INTS3: variants seen among roughly 807,000 people sequenced by gnomAD.
INTS3 encodes integrator complex subunit 3.
A neutral mutation model predicts 146.3 loss-of-function variants in INTS3; 34 were observed. That is an observed-to-expected ratio of 0.23 (90% CI 0.18 to 0.31). The LOEUF is 0.31. INTS3 is among the 10% of genes least tolerant of loss of function. The pLI is 1.00. For synonymous variants in INTS3, 475 were observed against 494.9 expected (o/e 0.96, Z 0.53); for missense variants, 757 against 1,304.2 (o/e 0.58, Z 6.46).
intron 1 of INTS3, among the ~76,000 whole-genome samples, chr1:153,739,151 C>T (rs966238520): frequency 2.6e-5 from 4 of 152,126 alleles, no homozygotes; most frequent in African/African-American, 7.2e-5. Context: ...GCAACTGCCA[C>T]CTGCCGGGTT....
At position 153,757,549 on chromosome 1, in the gene INTS3, T is replaced by C; in HGVS notation, c.958-23T>C. The C allele has an allele frequency of 6.2e-7, 1 of 1,609,964 alleles. No individual in the cohort carries two copies. Among genetic ancestry groups the C allele is most frequent in the Non-Finnish European group, 8.5e-7 (1 of 1,176,572 alleles). Reference sequence around the variant, plus strand: ...ACCCCACACTGTCTTCTAAGGTCTTTTTCTTGCTTCCCCTTTCCCCAGGTG... The same window carrying C: ...ACCCCACACTGTCTTCTAAGGTCTTCTTCTTGCTTCCCCTTTCCCCAGGTG... On this transcript the variant is annotated intron_variant, in intron 9 of 29. Transcript: ENST00000318967. The surrounding 1 kb of genome is among the most constrained non-coding windows in gnomAD (Gnocchi z 4.0).
intron 11 of INTS3, 52 bp downstream of exon 11, chr1:153,759,665 C>G (rs772425813): frequency 8.6e-7 from 1 of 1,163,724 alleles, no homozygotes; most frequent in South Asian, 1.2e-5. Flanking sequence ...TAAGCCCCCA[C>G]TGCCTTCCTT....
chr1:153,763,244 G>A lies in INTS3; in HGVS notation c.1648G>A (p.Glu550Lys). ...ATCACTCCCTTTAGGAAAGAAGAGG[G>A]AGTTTCGCTTCCACCCTATCAAGGA... is the stretch of plus-strand genomic sequence containing the variant. ...EDLNSKGKKR[E>K]FRFHPIKETV... Residue 550 changes from glutamate (E) to lysine (K), a missense_variant, in exon 16 of 30, where the codon GAG becomes AAG. By Grantham distance (56) the Glu-to-Lys change is moderately conservative. Transcript: ENST00000318967. 3 of 1,614,204 alleles carry A rather than the reference G, an allele frequency of 1.9e-6. No individual in the cohort carries two copies. Among genetic ancestry groups the A allele is most frequent in the Non-Finnish European group, 2.5e-6 (3 of 1,180,036 alleles).
At position 153,768,915 on chromosome 1, in the gene INTS3, G is replaced by A; in HGVS notation, c.2267G>A (p.Ser756Asn). 6.2e-7 allele frequency: 1 copy of A among 1,614,026 alleles called. No individual in the cohort carries two copies. Among genetic ancestry groups the A allele is most frequent in the Non-Finnish European group, 8.5e-7 (1 of 1,179,954 alleles). ...YTEFPDETLR[S>N]GELLNMIVAV... ...TAGTTTCCAGATGAAACCTTGAGGA[G>A]CGGAGAGCTGCTGAACATGATCGTG... Residue 756 changes from serine (S) to asparagine (N), a missense_variant, in exon 22 of 30, where the codon AGC becomes AAC. Physicochemically the swap from Ser to Asn is conservative, Grantham distance 46. Around this residue, in one of 8 missense-constraint regions of INTS3, gnomAD observed 116 missense variants for 226.5 expected, o/e 0.51. Transcript: ENST00000318967.
At position 153,752,259 on chromosome 1, in the gene INTS3, A is replaced by G. The variant is rs756377973; in HGVS notation, c.730-20A>G. 1.2e-5 allele frequency: 19 copies of G among 1,610,764 alleles called. 1 individual carries two copies. Among genetic ancestry groups the G allele is most frequent in the Admixed American group, 3.3e-5 (2 of 59,760 alleles). On this transcript the variant is annotated intron_variant, in intron 7 of 29. Transcript: ENST00000318967. ...GTTTTTATTCTCTTTCCTGTCCCCC[A>G]CTTCCTCTTCCCTATCAAGTTCATG... is the stretch of plus-strand genomic sequence containing the variant.
chr1:153,735,134 T>C (rs1222804069), intron 1 of INTS3, among the ~76,000 whole-genome samples: 1 of 151,948 alleles, frequency 6.6e-6, no homozygotes, highest in Non-Finnish European at 1.5e-5. Flanking sequence ...CCCAGCTAAT[T>C]TTTAACATTT....
chr1:153,734,126 G>A (rs1473041988), intron 1 of INTS3, among the ~76,000 whole-genome samples: 1 of 151,952 alleles, frequency 6.6e-6, no homozygotes, highest in Non-Finnish European at 1.5e-5. Flanking sequence ...CCTAGAGATT[G>A]TAAATATTTA....
chr1:153,773,443 G>GC lies in INTS3; in HGVS notation c.*177dup. ...GCTGAGTTTGAGAAGCTGCCATGCA[G>GC]CCCCTAGCCCCTTCCCTCCTCCTGG... On this transcript the variant is annotated 3_prime_UTR_variant, in exon 30 of 30. Transcript: ENST00000318967. 6.3e-6 allele frequency: 4 copies of GC among 638,760 alleles called. No homozygotes were observed. Among genetic ancestry groups the GC allele is most frequent in the Non-Finnish European group, 1.1e-5 (4 of 354,668 alleles). The allele number at this position is 638,760 out of a possible 1,614,324, so 39.6% of individuals were successfully genotyped here.
chr1:153,770,625 C>T (rs1442069320), intron 24 of INTS3, 60 bp from the exon 25 acceptor site: 15 of 1,421,410 alleles, frequency 1.1e-5, no homozygotes, highest in Non-Finnish European at 1.4e-5. Context: ...GAGAGAGGTC[C>T]CCAGATTCCA....
At position 153,774,698 on chromosome 1, in the gene INTS3, C is replaced by T. The variant is rs1673073481; in HGVS notation, c.*1428C>T. 5.4e-6 allele frequency: 1 copy of T among 185,224 alleles called. No homozygotes were observed. The highest frequency in any genetic ancestry group is 1.1e-5 in the Non-Finnish European group (1 of 87,980). 11.5% of individuals were successfully genotyped at this position (185,224 alleles called of 1,614,324 possible). A position where few individuals can be genotyped will look rare whatever the true frequency, so the allele number is the denominator to read the frequency against. On this transcript the variant is annotated 3_prime_UTR_variant, in exon 30 of 30. Coordinates refer to ENST00000318967, the MANE Select transcript of INTS3 (RefSeq NM_023015.5). ...TTACAGAATCCAGGTTCTCCCCTCCCTCATCACTGCTGTTGCTTCCTTTGA... is the reference window on the plus strand; with the variant it reads ...TTACAGAATCCAGGTTCTCCCCTCCTTCATCACTGCTGTTGCTTCCTTTGA...
intron 13 of INTS3, 83 bp from the exon 14 acceptor site, chr1:153,761,487 G>A: frequency 1.0e-6 from 1 of 966,056 alleles, no homozygotes; most frequent in Non-Finnish European, 1.6e-6. Context: ...TCCAGCCTAG[G>A]TGATGAGAGT....
intron 1 of INTS3, among the ~76,000 whole-genome samples, chr1:153,738,503 T>C (rs1671385680): frequency 6.6e-6 from 1 of 152,208 alleles, no homozygotes; most frequent in Non-Finnish European, 1.5e-5. Context: ...AAGAAAACCA[T>C]AAAAGTGATG....
intron 1 of INTS3, among the ~76,000 whole-genome samples, chr1:153,734,284 A>G (rs552204206): frequency 6.6e-6 from 1 of 152,278 alleles, no homozygotes; most frequent in African/African-American, 2.4e-5. Flanking sequence ...GATTGTAGGG[A>G]TCTGGCTTCC....
At position 153,770,183 on chromosome 1, in the gene INTS3, T is replaced by C; in HGVS notation, c.2390-15T>C. 1.3e-6 allele frequency: 2 copies of C among 1,517,388 alleles called. No homozygotes were observed. The highest frequency in any genetic ancestry group is 1.8e-6 in the Non-Finnish European group (2 of 1,093,448). 94.0% of individuals were successfully genotyped at this position (1,517,388 alleles called of 1,614,324 possible). On this transcript the variant is annotated splice_polypyrimidine_tract_variant and intron_variant, in intron 23 of 29. Coordinates refer to ENST00000318967, the MANE Select transcript of INTS3 (RefSeq NM_023015.5). ...TGTTCATTCTTGAGAGAGATGTTTCTTTTGTCTCTTCCAGTTCAGAGCCTA... is the reference window on the plus strand; with the variant it reads ...TGTTCATTCTTGAGAGAGATGTTTCCTTTGTCTCTTCCAGTTCAGAGCCTA...
intron 21 of INTS3, 34 bp from the exon 22 acceptor site, chr1:153,768,859 A>C: frequency 1.3e-6 from 2 of 1,567,622 alleles, no homozygotes; most frequent in Non-Finnish European, 8.8e-7. Flanking sequence ...TGAGGAGCCC[A>C]TCCAGGACTC....
intron 3 of INTS3, among the ~76,000 whole-genome samples, chr1:153,742,109 G>C (rs1671554582): frequency 6.6e-6 from 1 of 152,194 alleles, no homozygotes; most frequent in East Asian, 1.9e-4. Flanking sequence ...TGGCATAGCT[G>C]CTTGAATTAA....
At chr1:153,737,558 G>T (rs1275439804) in intron 1 of INTS3, among the ~76,000 whole-genome samples, 1 of 152,152 alleles carries the variant, frequency 6.6e-6, no homozygotes, top group Non-Finnish European at 1.5e-5. Context: ...GAGTGCAGAG[G>T]TGCAATCTTG....
chr1:153,746,546 G>A (rs1671746070), intron 3 of INTS3, among the ~76,000 whole-genome samples: 1 of 152,192 alleles, frequency 6.6e-6, no homozygotes, highest in Non-Finnish European at 1.5e-5. Context: ...GACTACAGGT[G>A]CCCGCCACCG....
At chr1:153,732,652 T>A (rs1470789861) in intron 1 of INTS3, among the ~76,000 whole-genome samples, 1 of 152,004 alleles carries the variant, frequency 6.6e-6, no homozygotes, top group African/African-American at 2.4e-5. Flanking sequence ...TTCACCACAT[T>A]GGCTAGGCTG....
Sources: allele counts gnomAD v4.1 joint callset (sites outside exome capture counted in the v4.1 genomes callset), GRCh38; gene constraint gnomAD v4.1.1; regional missense constraint gnomAD v4.1.1; non-coding constraint Gnocchi (gnomAD v3.1); transcripts MANE v1.5; gene names NCBI Gene and HGNC (gene_info 2026-07-23, HGNC 2026-07-21).